GSK3B: variants seen among roughly 807,000 people sequenced by gnomAD.
GSK3B encodes glycogen synthase kinase-3 beta.
GSK3B carries 15 observed loss-of-function variants against 56.4 expected under a neutral mutation model. That is an observed-to-expected ratio of 0.27 (90% CI 0.18 to 0.41). The LOEUF (loss-of-function observed/expected upper bound fraction) is 0.41. GSK3B is among the 10% of genes least tolerant of loss of function. The probability of loss-of-function intolerance (pLI) is 1.00; values close to 1 mark genes in which losing one functional copy is unlikely to be tolerated. For synonymous variants in GSK3B, 181 were observed against 188.9 expected (o/e 0.96, Z 0.34); for missense variants, 300 against 513.4 (o/e 0.58, Z 4.02).
chr3:119,925,654 G>C (rs767892943), intron 3 of GSK3B, among the ~76,000 whole-genome samples: 1 of 151,174 alleles, frequency 6.6e-6, no homozygotes, highest in Non-Finnish European at 1.5e-5. Flanking sequence ...TAATTATTCC[G>C]TGTGGAAACA....
intron 1 of GSK3B, among the ~76,000 whole-genome samples, chr3:120,088,706 T>C (rs1263290915): frequency 6.6e-6 from 1 of 152,286 alleles, no homozygotes; most frequent in Non-Finnish European, 1.5e-5. Flanking sequence ...ATGGTGATTA[T>C]GTTCTTAGAA....
chr3:119,905,375 T>G (rs987332348), intron 7 of GSK3B, among the ~76,000 whole-genome samples: 24 of 152,114 alleles, frequency 1.6e-4, no homozygotes, highest in African/African-American at 5.8e-4. Flanking sequence ...ATCTCCTATG[T>G]GCTCCACAGA....
chr3:119,854,348 C>T (rs1036141509), intron 9 of GSK3B, among the ~76,000 whole-genome samples: 5 of 152,078 alleles, frequency 3.3e-5, no homozygotes, highest in African/African-American at 1.2e-4. Flanking sequence ...TTTTTGCATC[C>T]ATATTCATCA....
intron 1 of GSK3B, among the ~76,000 whole-genome samples, chr3:120,011,055 C>A (rs1441387201): frequency 1.3e-5 from 2 of 152,144 alleles, no homozygotes; most frequent in Non-Finnish European, 2.9e-5. Flanking sequence ...GGCAACACAG[C>A]AAGACCATTT....
chr3:120,002,530 G>A (rs921817064), intron 1 of GSK3B, among the ~76,000 whole-genome samples: 27 of 151,990 alleles, frequency 1.8e-4, no homozygotes, highest in Admixed American at 1.6e-3. Flanking sequence ...GCAGAGACGC[G>A]GTTTCACCAT....
At chr3:119,914,360 G>A (rs980844454) in intron 5 of GSK3B, among the ~76,000 whole-genome samples, 13 of 152,024 alleles carry the variant, frequency 8.6e-5, no homozygotes, top group East Asian at 1.9e-4. Context: ...TCAAACAAGC[G>A]AAATCCCTCT....
chr3:119,884,735 T>C (rs1312104788), intron 7 of GSK3B, among the ~76,000 whole-genome samples: 1 of 152,148 alleles, frequency 6.6e-6, no homozygotes, highest in Non-Finnish European at 1.5e-5. Flanking sequence ...TTGAGTTGTA[T>C]AAAATATATA....
At chr3:119,945,788 G>T (rs535628151) in intron 3 of GSK3B, among the ~76,000 whole-genome samples, 1 of 152,130 alleles carries the variant, frequency 6.6e-6, no homozygotes, top group South Asian at 2.1e-4. Flanking sequence ...TTTTTCAAAT[G>T]AATCTATTGT....
At chr3:119,966,882 TATA>T (rs2057322939) in intron 2 of GSK3B, among the ~76,000 whole-genome samples, 1 of 152,000 alleles carries the variant, frequency 6.6e-6, no homozygotes, top group Admixed American at 6.5e-5. Context: ...AAAATCCAAA[TATA>T]ATAACATCAA....
At chr3:119,864,753 A>G (rs1201687233) in intron 8 of GSK3B, among the ~76,000 whole-genome samples, 1 of 152,250 alleles carries the variant, frequency 6.6e-6, no homozygotes, top group Non-Finnish European at 1.5e-5. Flanking sequence ...ACAACTACAG[A>G]GCTCATTAGA....
At chr3:119,888,330 A>G (rs139289132) in intron 7 of GSK3B, among the ~76,000 whole-genome samples, 2,416 of 152,230 alleles carry the variant, frequency 0.016, 62 homozygotes, top group African/African-American at 0.055. Context: ...TTTAATATGG[A>G]CATTTATCAG....
chr3:119,840,944 C>A (rs1483054528), intron 10 of GSK3B, among the ~76,000 whole-genome samples: 1 of 152,138 alleles, frequency 6.6e-6, no homozygotes, highest in Admixed American at 6.5e-5. Context: ...ATCTAATGAA[C>A]AATGGGAAAT....
At chr3:119,877,013 A>G (rs1216740487) in intron 7 of GSK3B, among the ~76,000 whole-genome samples, 1 of 152,200 alleles carries the variant, frequency 6.6e-6, no homozygotes, top group Non-Finnish European at 1.5e-5. Flanking sequence ...ATAGTAGCAC[A>G]AAACAGACAA....
At chr3:119,962,165 C>T (rs1274912315) in intron 2 of GSK3B, among the ~76,000 whole-genome samples, 3 of 152,072 alleles carry the variant, frequency 2.0e-5, no homozygotes, top group African/African-American at 4.8e-5. Flanking sequence ...CACCTGAGGT[C>T]GGGAGTTCGA....
At chr3:119,919,594 G>A (rs1180518480) in intron 4 of GSK3B, among the ~76,000 whole-genome samples, 1 of 150,444 alleles carries the variant, frequency 6.6e-6, no homozygotes, top group Non-Finnish European at 1.5e-5. Context: ...AGGAGTGCTA[G>A]ATTTCTCTCT....
intron 8 of GSK3B, among the ~76,000 whole-genome samples, chr3:119,867,938 G>C (rs952464165): frequency 6.6e-6 from 1 of 151,908 alleles, no homozygotes; most frequent in Admixed American, 6.6e-5. Context: ...CAGACTGAAA[G>C]AACTGAGAGC....
intron 2 of GSK3B, among the ~76,000 whole-genome samples, chr3:119,954,979 A>G (rs938959826): frequency 7.2e-5 from 11 of 152,180 alleles, no homozygotes; most frequent in Admixed American, 7.2e-4. Flanking sequence ...TTTCTTCTTC[A>G]TCAAAGTTTG....
At chr3:119,998,368 C>A (rs2057644617) in intron 2 of GSK3B, among the ~76,000 whole-genome samples, 1 of 152,156 alleles carries the variant, frequency 6.6e-6, no homozygotes, top group Non-Finnish European at 1.5e-5. Context: ...CCAAAGTCTG[C>A]CAACAATCAC....
In GSK3B at chr3:120,075,334, C is replaced by G. The variant is rs558927844; in HGVS notation, c.88+18013G>C. Among the ~76,000 whole-genome samples the G allele has an allele frequency of 6.6e-5, 10 of 152,200 alleles. No homozygotes were observed. The South Asian group carries it at 1.0e-3, about 16-fold the overall frequency. On this transcript the variant is annotated intron_variant, in intron 1 of 10. Transcript: ENST00000264235. ...AGACCTGATACAAGGCAAAGATGCCCACTCTGACCACTTCTATTCAACAGA... is the reference window on the plus strand; with the variant it reads ...AGACCTGATACAAGGCAAAGATGCCGACTCTGACCACTTCTATTCAACAGA...
Sources: allele counts gnomAD v4.1 joint callset (sites outside exome capture counted in the v4.1 genomes callset), GRCh38; gene constraint gnomAD v4.1.1; transcripts MANE v1.5; gene names NCBI Gene and HGNC (gene_info 2026-07-23, HGNC 2026-07-21).